FGL1: variants seen among roughly 807,000 people sequenced by gnomAD.
FGL1 encodes the protein fibrinogen-like protein 1.
Under a neutral mutation model 43.7 loss-of-function variants are expected in FGL1, and 59 were observed. That is an observed-to-expected ratio of 1.35 (90% CI 1.10 to 1.68). The LOEUF (loss-of-function observed/expected upper bound fraction) is 1.68. Ranked by LOEUF, FGL1 falls within the 40% of genes most tolerant of loss-of-function variation. FGL1 has a pLI of 0.00. For missense variants in FGL1, 596 were observed against 373.0 expected (o/e 1.60, Z -4.92); for synonymous variants, 192 against 126.5 (o/e 1.52, Z -3.48).
chr8:17,868,758 C>T (rs1473749406), intron 6 of FGL1, 23 bp from the exon 7 acceptor site: 1 of 1,596,746 alleles, frequency 6.3e-7, no homozygotes, highest in Non-Finnish European at 8.5e-7. Context: ...GGCATTTCTG[C>T]TGTCAGTGGA....
intron 1 of FGL1, among the ~76,000 whole-genome samples, chr8:17,889,480 G>T (rs35176481): frequency 6.6e-6 from 1 of 152,312 alleles, no homozygotes; most frequent in Non-Finnish European, 1.5e-5. Context: ...AACCTGGGAG[G>T]CGGAGGTTGC....
rs993077658 is a variant in FGL1, at chr8:17,868,491, T to C, written c.779+57A>G. The C allele has an allele frequency of 2.3e-6, 3 of 1,277,944 alleles. No individual in the cohort carries two copies. In the African/African-American group the frequency reaches 4.5e-5, roughly 19 times the overall value. 79.2% of individuals were successfully genotyped at this position (1,277,944 alleles called of 1,614,324 possible). ...CCATACATATTATATTGATAATTAA[T>C]GTCTATCAGTGAGATATCATCAACT... On this transcript the variant is annotated intron_variant, in intron 7 of 7. Transcript: ENST00000427924.
intron 6 of FGL1, 57 bp from the exon 7 acceptor site, chr8:17,868,792 T>C (rs1352100097): frequency 6.6e-7 from 1 of 1,522,524 alleles, no homozygotes; most frequent in East Asian, 2.3e-5. Flanking sequence ...CATTTTAAAA[T>C]TAAGTTTATT....
chr8:17,870,946 G>T (rs2053350057), intron 5 of FGL1, among the ~76,000 whole-genome samples: 1 of 81,576 alleles, frequency 1.2e-5, no homozygotes, highest in African/African-American at 4.5e-5. Context: ...CAAGCTTAAG[G>T]GTGCACACAC....
intron 1 of FGL1, among the ~76,000 whole-genome samples, chr8:17,888,971 A>T (rs1018922336): frequency 6.6e-6 from 1 of 152,200 alleles, no homozygotes; most frequent in East Asian, 1.9e-4. Flanking sequence ...CAATAAGAGA[A>T]TAATATTTTA....
chr8:17,882,144 G>T lies in FGL1; in HGVS notation c.99C>A (p.Leu33=), dbSNP rs1344097879. ...TCTCAAGCAGGCGCACCTGGGCTCT[G>T]AGCCGCATCTGCTCCTGGGCACAGT... ...LEDCAQEQMR[L]RAQVRLLETR... is the part of the protein sequence containing the mutation. The change falls in exon 3 of 8, where the codon CTC becomes CTA. Residue 33 remains leucine (L), a synonymous_variant. Coordinates refer to ENST00000427924, the MANE Select transcript of FGL1 (RefSeq NM_004467.4). 3 of 1,613,910 alleles carry T rather than the reference G, an allele frequency of 1.9e-6. No individual in the cohort carries two copies. The Admixed American group carries it at 5.0e-5, about 27-fold the overall frequency.
chr8:17,881,995 T>C lies in FGL1; in HGVS notation c.244+4A>G. On this transcript the variant is annotated splice_donor_region_variant and intron_variant, in intron 3 of 7. Transcript: ENST00000427924. ...AGAAACACTTAAGAAAAGTCCATTC[T>C]GACCTGCATACTGCCTCTTGCTTCC... 2 of 1,613,176 alleles carry C rather than the reference T, an allele frequency of 1.2e-6. No individual in the cohort carries two copies. The highest frequency in any genetic ancestry group is 8.5e-7 in the Non-Finnish European group (1 of 1,179,456).
At chr8:17,894,244 AAAGG>A (rs2053745753) in intron 1 of FGL1, among the ~76,000 whole-genome samples, 1 of 147,294 alleles carries the variant, frequency 6.8e-6, no homozygotes, top group Admixed American at 6.7e-5. Flanking sequence ...AAAGAAATAA[AAAGG>A]AAGGAAAAAG....
chr8:17,883,030 G>A (rs181343383), intron 2 of FGL1, among the ~76,000 whole-genome samples: 2 of 83,008 alleles, frequency 2.4e-5, no homozygotes, highest in African/African-American at 7.4e-5. Context: ...TATATCATAT[G>A]TAATATATTA....
rs2053541583 is a variant in FGL1 at position 17,881,883 on chromosome 8, T to C, written c.244+116A>G. 9.8e-6 allele frequency: 8 copies of C among 813,374 alleles called. No individual in the cohort carries two copies. The Admixed American group carries it at 1.1e-4, about 11-fold the overall frequency. 50.4% of individuals were successfully genotyped at this position (813,374 alleles called of 1,614,324 possible). On this transcript the variant is annotated intron_variant, in intron 3 of 7. Coordinates refer to ENST00000427924, the MANE Select transcript of FGL1 (RefSeq NM_004467.4). ...TGAAAGAAGACATTTACAATAGATATAATGCTTCATATTGCTTGTTACTGA... is the reference window on the plus strand; with the variant it reads ...TGAAAGAAGACATTTACAATAGATACAATGCTTCATATTGCTTGTTACTGA...
At chr8:17,872,853 G>C (rs986867135) in intron 5 of FGL1, among the ~76,000 whole-genome samples, 3 of 152,152 alleles carry the variant, frequency 2.0e-5, no homozygotes, top group Non-Finnish European at 4.4e-5. Flanking sequence ...TATATAGGGA[G>C]ACATCCAGAT....
In FGL1 at chr8:17,883,386, TATAATAATA is replaced by T. The variant is rs533368074; in HGVS notation, c.64-1216_64-1208del. Among the ~76,000 whole-genome samples the T allele has an allele frequency of 2.9e-3, 282 of 96,192 alleles. 3 individuals are homozygous for T. Among genetic ancestry groups the T allele is most frequent in the Middle Eastern group, 9.4e-3 (1 of 106 alleles). 63.1% of individuals were successfully genotyped at this position (96,192 alleles called of 152,430 possible). On this transcript the variant is annotated intron_variant, in intron 2 of 7. Transcript: ENST00000427924. ...ATATAATATATAAAATAATATACAA[TATAATAATA>T]ATATATAATATATATTACAAAATAT...
intron 3 of FGL1, among the ~76,000 whole-genome samples, chr8:17,880,255 G>A (rs935623842): frequency 3.3e-5 from 5 of 152,152 alleles, no homozygotes; most frequent in East Asian, 1.9e-4. Context: ...AGCCCAGGGC[G>A]AGGAGTCTGA....
chr8:17,892,897 T>G (rs1181035323), intron 1 of FGL1, among the ~76,000 whole-genome samples: 2 of 152,146 alleles, frequency 1.3e-5, no homozygotes, highest in Admixed American at 6.6e-5. Context: ...GTGAATAAAT[T>G]AGCTTAAAAA....
chr8:17,873,972 T>G (rs138392872), intron 5 of FGL1, 47 bp downstream of exon 5: 7 of 1,411,240 alleles, frequency 5.0e-6, no homozygotes, highest in African/African-American at 3.0e-5. Flanking sequence ...AATTTTAGTG[T>G]TGTTTTTATT....
chr8:17,867,839 G>A (rs911504925), intron 7 of FGL1, among the ~76,000 whole-genome samples: 9 of 152,206 alleles, frequency 5.9e-5, no homozygotes, highest in African/African-American at 2.2e-4. Flanking sequence ...GGAGGCCGGG[G>A]TAGGTGGATC....
At chr8:17,888,153 G>T (rs1410145257) in intron 1 of FGL1, among the ~76,000 whole-genome samples, 2 of 151,826 alleles carry the variant, frequency 1.3e-5, no homozygotes, top group African/African-American at 4.8e-5. Flanking sequence ...TAAAAATAGA[G>T]AAAATTAACT....
At chr8:17,869,163 C>A (rs2053318445) in intron 5 of FGL1, among the ~76,000 whole-genome samples, 159 bp from the exon 6 acceptor site, 1 of 151,928 alleles carries the variant, frequency 6.6e-6, no homozygotes, top group Non-Finnish European at 1.5e-5. Context: ...GTATATATAA[C>A]ATGAACATTT....
chr8:17,878,823 TTTAA>T (rs1200233321), intron 3 of FGL1, among the ~76,000 whole-genome samples: 1 of 151,902 alleles, frequency 6.6e-6, no homozygotes, highest in East Asian at 1.9e-4. Flanking sequence ...TGTATGAATA[TTTAA>T]TTGTTTTCAA....
Sources: gnomAD v4.1 joint callset for allele counts (sites outside exome capture counted in the v4.1 genomes callset) on GRCh38, gnomAD v4.1.1 for gene constraint, MANE v1.5 for transcripts, NCBI Gene and HGNC (gene_info 2026-07-23, HGNC 2026-07-21) for gene names.